Variants in LAMA2 observed in about 807,000 individuals in gnomAD.
The protein encoded by LAMA2 is laminin subunit alpha 2.
A neutral mutation model predicts 364.8 loss-of-function variants in LAMA2; 269 were observed. The ratio of observed to expected loss-of-function variants is 0.74; its 90% CI spans 0.67 to 0.82. The LOEUF is 0.82. Ranked by LOEUF, LAMA2 falls within the 40% of genes least tolerant of loss-of-function variation. The pLI is 0.00. For synonymous variants in LAMA2, 1,379 were observed against 1,370.6 expected (o/e 1.01, Z -0.14); for missense variants, 3,807 against 3,873.2 (o/e 0.98, Z 0.45).
intron 30 of LAMA2, among the ~76,000 whole-genome samples, chr6:129,347,946 A>G (rs941838112): frequency 6.6e-6 from 1 of 152,226 alleles, no homozygotes; most frequent in Non-Finnish European, 1.5e-5. Context: ...CTATAACGAA[A>G]TGTAATTTAA....
chr6:128,897,040 A>C (rs1484248557), intron 1 of LAMA2, among the ~76,000 whole-genome samples: 1 of 152,264 alleles, frequency 6.6e-6, no homozygotes, highest in Non-Finnish European at 1.5e-5. Context: ...ACTGAAATGC[A>C]AAATGTTAAG....
At chr6:128,930,101 C>T in intron 1 of LAMA2, 1 of 311,016 alleles carries the variant, frequency 3.2e-6, no homozygotes, top group Non-Finnish European at 5.9e-6. Flanking sequence ...GCCCACAGCC[C>T]GCACAGGGCG....
chr6:129,172,467 G>A (rs980619430), intron 9 of LAMA2, among the ~76,000 whole-genome samples: 4 of 152,214 alleles, frequency 2.6e-5, no homozygotes, highest in Non-Finnish European at 4.4e-5. Context: ...GCTGGGGGGT[G>A]CCTCCCAGTT....
intron 55 of LAMA2, among the ~76,000 whole-genome samples, chr6:129,482,727 T>A (rs1357404292): frequency 1.3e-5 from 2 of 152,102 alleles, no homozygotes; most frequent in East Asian, 3.9e-4. Context: ...ACGAGTAACT[T>A]GGATTATTTC....
intron 55 of LAMA2, among the ~76,000 whole-genome samples, chr6:129,481,867 T>A (rs2784899): frequency 0.34 from 52,331 of 151,946 alleles, 10,159 homozygotes; most frequent in African/African-American, 0.54. Flanking sequence ...CAAGCTGAAG[T>A]AATAGTCTTT....
At chr6:129,089,092 A>G (rs192955994) in intron 3 of LAMA2, among the ~76,000 whole-genome samples, 111 of 152,336 alleles carry the variant, frequency 7.3e-4, no homozygotes, top group Non-Finnish European at 1.0e-4. Flanking sequence ...CTGGCAGATC[A>G]CTCGCGGTTA....
chr6:129,311,524 G>A lies in LAMA2; in HGVS notation c.3175-1337G>A, dbSNP rs141098502. Among the ~76,000 whole-genome samples, 12 of 152,264 alleles carry A rather than the reference G, an allele frequency of 7.9e-5. 1 individual carries two copies. The East Asian group carries it at 2.1e-3, about 27-fold the overall frequency. On this transcript the variant is annotated intron_variant, in intron 22 of 64. Coordinates refer to ENST00000421865, the MANE Select transcript of LAMA2 (RefSeq NM_000426.4). ...TGACTAAGCCTATCATTCTGCCACC[G>A]GATACGGAGAAATGTCTACGGGGTC...
chr6:129,066,585 C>T (rs1741136812), intron 3 of LAMA2, among the ~76,000 whole-genome samples: 1 of 140,150 alleles, frequency 7.1e-6, no homozygotes, highest in African/African-American at 2.7e-5. Flanking sequence ...AAAATAAATC[C>T]TAAATATTTT....
intron 37 of LAMA2, among the ~76,000 whole-genome samples, chr6:129,399,342 T>C (rs529705657): frequency 6.6e-6 from 1 of 152,280 alleles, no homozygotes; most frequent in African/African-American, 2.4e-5. Flanking sequence ...CTATCAATCA[T>C]GTGGGGTTCT....
intron 2 of LAMA2, among the ~76,000 whole-genome samples, chr6:129,051,811 A>G (rs117364795): frequency 0.014 from 2,061 of 151,728 alleles, 22 homozygotes; most frequent in Non-Finnish European, 0.017. Flanking sequence ...ATGGAGGGAA[A>G]CCACCATTGG....
chr6:129,492,567 C>G lies in LAMA2; in HGVS notation c.8244+84C>G, dbSNP rs887930069. ...TCAGAAGGAAGATTATTCAGGATAT[C>G]TAGTACACTCTGATATTAGAATTGA... On this transcript the variant is annotated intron_variant, in intron 58 of 64. Transcript: ENST00000421865. 9 of 1,183,534 alleles carry G rather than the reference C, an allele frequency of 7.6e-6. No homozygotes were observed. In the Admixed American group the frequency reaches 1.5e-4, roughly 20 times the overall value. The allele number at this position is 1,183,534 out of a possible 1,614,324, so 73.3% of individuals were successfully genotyped here. A position where few individuals can be genotyped will look rare whatever the true frequency, so the allele number is the denominator to read the frequency against.
chr6:129,481,652 G>A (rs553689786), intron 55 of LAMA2, among the ~76,000 whole-genome samples: 4 of 152,220 alleles, frequency 2.6e-5, no homozygotes, highest in East Asian at 1.9e-4. Flanking sequence ...TTGATCAATT[G>A]TAGGTGCAAA....
chr6:128,883,311 G>T lies in LAMA2; in HGVS notation c.66G>T (p.Ala22=). 6.3e-7 allele frequency: 1 copy of T among 1,595,480 alleles called. No homozygotes were observed. The highest frequency in any genetic ancestry group is 8.5e-7 in the Non-Finnish European group (1 of 1,171,460). The change falls in exon 1 of 65, where the codon GCG becomes GCT. Residue 22 remains alanine, a synonymous_variant. Coordinates refer to ENST00000421865, the MANE Select transcript of LAMA2 (RefSeq NM_000426.4). ...LLSGGLGGVQ[A]QRPQQQRQSQ... is the part of the protein sequence containing the mutation. ...CCGGAGGCCTCGGGGGCGTACAGGCGCAGCGGCCGCAGCAGCAGCGGCAGT... is the reference window on the plus strand; with the variant it reads ...CCGGAGGCCTCGGGGGCGTACAGGCTCAGCGGCCGCAGCAGCAGCGGCAGT...
At chr6:129,157,732 C>A in intron 8 of LAMA2, 1 of 1,612,054 alleles carries the variant, frequency 6.2e-7, no homozygotes, top group Non-Finnish European at 8.5e-7. Flanking sequence ...TATGACGGAT[C>A]ACTCGGTACC....
At chr6:128,978,118 G>A (rs1261533620) in intron 1 of LAMA2, among the ~76,000 whole-genome samples, 1 of 152,148 alleles carries the variant, frequency 6.6e-6, no homozygotes, top group Non-Finnish European at 1.5e-5. Context: ...TCACTGATGA[G>A]TTTAACTGAC....
intron 3 of LAMA2, among the ~76,000 whole-genome samples, chr6:129,075,074 G>GAA (rs892878374): frequency 1.3e-5 from 2 of 149,804 alleles, no homozygotes; most frequent in Non-Finnish European, 3.0e-5. Flanking sequence ...GCAAGTTCAT[G>GAA]AAAAAAAAAG....
chr6:129,439,865 ATATAGATAACATAAG>A (rs1782019280), intron 42 of LAMA2, among the ~76,000 whole-genome samples: 1 of 134,688 alleles, frequency 7.4e-6, no homozygotes, highest in East Asian at 2.5e-4. Flanking sequence ...TCAATTGGTT[ATATAGATAACATAAG>A]TATAGATAAC....
chr6:128,943,842 C>G (rs141813913), intron 1 of LAMA2, among the ~76,000 whole-genome samples: 46 of 152,208 alleles, frequency 3.0e-4, no homozygotes, highest in African/African-American at 1.0e-3. Context: ...TAAGAAGGAG[C>G]AATTCTCATT....
intron 4 of LAMA2, among the ~76,000 whole-genome samples, chr6:129,100,099 G>C (rs1423039381): frequency 6.6e-6 from 1 of 152,014 alleles, no homozygotes; most frequent in Non-Finnish European, 1.5e-5. Flanking sequence ...AATACACTTC[G>C]GCAGGTATGT....
Sources: gnomAD v4.1 joint callset for allele counts (sites outside exome capture counted in the v4.1 genomes callset) on GRCh38, gnomAD v4.1.1 for gene constraint, MANE v1.5 for transcripts, NCBI Gene and HGNC (gene_info 2026-07-23, HGNC 2026-07-21) for gene names.